The following TCP11L1 variants were observed in gnomAD, a reference collection of about 807,000 sequenced individuals.
TCP11L1 encodes the protein T-complex protein 11-like protein 1.
TCP11L1 carries 28 observed loss-of-function variants against 48.9 expected under a neutral mutation model. The ratio of observed to expected loss-of-function variants is 0.57; its 90% CI spans 0.42 to 0.78. The LOEUF (loss-of-function observed/expected upper bound fraction) is 0.78, where lower values mean the gene tolerates loss of function less well. Ranked by LOEUF, TCP11L1 falls within the 30% of genes least tolerant of loss-of-function variation. TCP11L1 has a pLI of 0.00. For missense variants in TCP11L1, 505 were observed against 613.4 expected (o/e 0.82, Z 1.87); for synonymous variants, 204 against 231.9 (o/e 0.88, Z 1.09).
At chr11:33,051,650 G>T (rs1458178900) in intron 2 of TCP11L1, among the ~76,000 whole-genome samples, 5 of 152,050 alleles carry the variant, frequency 3.3e-5, no homozygotes, top group African/African-American at 1.2e-4. Context: ...GTAGAGACAG[G>T]ATTTCGCTGT....
chr11:33,041,059 CAA>C (rs1853817282), intron 1 of TCP11L1: 1 of 152,154 alleles, frequency 6.6e-6, no homozygotes, highest in East Asian at 1.9e-4. Flanking sequence ...TGCCAAATGT[CAA>C]CTAGCCAGCC....
At chr11:33,070,515 G>A (rs759932659) in intron 9 of TCP11L1, among the ~76,000 whole-genome samples, 4 of 151,684 alleles carry the variant, frequency 2.6e-5, no homozygotes, top group African/African-American at 4.8e-5. Context: ...TAGAAACTCC[G>A]CCTTTACTAA....
At chr11:33,063,793 A>G (rs975013553) in intron 7 of TCP11L1, among the ~76,000 whole-genome samples, 1 of 152,012 alleles carries the variant, frequency 6.6e-6, no homozygotes, top group African/African-American at 2.4e-5. Context: ...TTTTCCTTTC[A>G]AGAAGTTGTG....
chr11:33,050,701 C>T lies in TCP11L1; in HGVS notation c.164-3892C>T, dbSNP rs575004163. On this transcript the variant is annotated intron_variant, in intron 2 of 9. Transcript: ENST00000334274. ...TTAATAGAGTCTATCATGGAATGTA[C>T]ATTTTAAATTTTGATAAAATCCAAA... is the stretch of plus-strand genomic sequence containing the variant. Among the ~76,000 whole-genome samples, 311 of 152,184 alleles carry T rather than the reference C, an allele frequency of 2.0e-3. 1 individual carries two copies. The highest frequency in any genetic ancestry group is 7.3e-3 in the African/African-American group (304 of 41,536).
chr11:33,056,520 T>C (rs1052310763), intron 3 of TCP11L1: 1 of 155,204 alleles, frequency 6.4e-6, no homozygotes, highest in Non-Finnish European at 1.4e-5. Flanking sequence ...TTTTAGGAAA[T>C]AAAGTCCTTC....
intron 3 of TCP11L1, among the ~76,000 whole-genome samples, chr11:33,055,401 G>C (rs1227219718): frequency 6.6e-6 from 1 of 152,182 alleles, no homozygotes; most frequent in Non-Finnish European, 1.5e-5. Flanking sequence ...CCTGGCAAGA[G>C]CAAAAAGTTT....
At chr11:33,050,412 A>G (rs1357426088) in intron 2 of TCP11L1, among the ~76,000 whole-genome samples, 1 of 151,962 alleles carries the variant, frequency 6.6e-6, no homozygotes, top group Non-Finnish European at 1.5e-5. Flanking sequence ...GATGCTTGAT[A>G]ATAACACCTG....
At position 33,057,924 on chromosome 11, in the gene TCP11L1, C is replaced by G. The variant is rs948281274; in HGVS notation, c.423C>G (p.Leu141=). 1 of 1,612,836 alleles carries G rather than the reference C, an allele frequency of 6.2e-7. No individual in the cohort carries two copies. The highest frequency in any genetic ancestry group is 8.5e-7 in the Non-Finnish European group (1 of 1,179,790). ...IKLVGEIKET[L]LSFLLPGHTR... ...GTAGCTGTGTTCTCTTGTAGACTCT[C>G]TTATCTTTCTTGCTGCCTGGTCATA... Residue 141 remains leucine, a synonymous_variant, in exon 5 of 10, where the codon CTC becomes CTG. Coordinates refer to ENST00000334274, the MANE Select transcript of TCP11L1 (RefSeq NM_018393.4).
At chr11:33,049,864 A>G (rs2145298) in intron 2 of TCP11L1, among the ~76,000 whole-genome samples, 62,390 of 151,982 alleles carry the variant, frequency 0.41, 13,029 homozygotes, top group African/African-American at 0.48. Context: ...GACCCTTTAC[A>G]GGTGTTGGGC....
At chr11:33,047,682 A>AAT (rs1282774547) in intron 2 of TCP11L1, among the ~76,000 whole-genome samples, 1 of 152,222 alleles carries the variant, frequency 6.6e-6, no homozygotes, top group East Asian at 1.9e-4. Context: ...CAGTCAGTCA[A>AAT]ATATTTATTG....
intron 4 of TCP11L1, 38 bp from the exon 5 acceptor site, chr11:33,057,881 A>T: frequency 6.5e-7 from 1 of 1,543,194 alleles, no homozygotes; most frequent in Non-Finnish European, 8.8e-7. Flanking sequence ...AATGATGTCT[A>T]AAGAATTTTG....
intron 9 of TCP11L1, among the ~76,000 whole-genome samples, chr11:33,071,653 G>C (rs1266071622): frequency 1.3e-5 from 2 of 152,180 alleles, no homozygotes; most frequent in Non-Finnish European, 2.9e-5. Flanking sequence ...CATCAGAGAA[G>C]GAAGCACGAG....
At chr11:33,061,761 G>A (rs761381514) in intron 7 of TCP11L1, 35 bp downstream of exon 7, 1 of 1,535,386 alleles carries the variant, frequency 6.5e-7, no homozygotes, top group Non-Finnish European at 8.8e-7. Context: ...ACTCATATTT[G>A]TTTTTGTGCT....
At chr11:33,065,678 G>C in intron 7 of TCP11L1, 152 bp from the exon 8 acceptor site, 1 of 836,790 alleles carries the variant, frequency 1.2e-6, no homozygotes, top group Non-Finnish European at 1.9e-6. Flanking sequence ...AGATAGAGGG[G>C]TTATTTCACA....
rs778687774 is a variant in TCP11L1 at position 33,072,682 on chromosome 11, A to G, written c.*6A>G. The G allele has an allele frequency of 5.6e-5, 91 of 1,613,976 alleles. No homozygotes were observed. Among genetic ancestry groups the G allele is most frequent in the Admixed American group, 1.7e-5 (1 of 59,998 alleles). On this transcript the variant is annotated 3_prime_UTR_variant, in exon 10 of 10. Transcript: ENST00000334274. ...AGATCCTCGTCCGATCCTAACGTGT[A>G]TGCACCCTACAGCAGCAGTATTACT...
intron 6 of TCP11L1, 124 bp downstream of exon 6, chr11:33,059,219 T>C (rs1408150687): frequency 7.5e-7 from 1 of 1,333,936 alleles, no homozygotes; most frequent in African/African-American, 1.5e-5. Context: ...TAGTCTAATT[T>C]GAAGAAGGAA....
At chr11:33,043,505 A>G (rs554256595) in intron 1 of TCP11L1, among the ~76,000 whole-genome samples, 3 of 152,354 alleles carry the variant, frequency 2.0e-5, no homozygotes, top group South Asian at 4.1e-4. Context: ...GAGTAGGACA[A>G]AAATATTCCA....
intron 8 of TCP11L1, among the ~76,000 whole-genome samples, chr11:33,068,057 C>G (rs1286887700): frequency 1.3e-5 from 2 of 152,016 alleles, no homozygotes; most frequent in Admixed American, 6.5e-5. Context: ...GCTGGGATTA[C>G]AGGCACCTAT....
At chr11:33,043,064 T>TCAAAA (rs972204842) in intron 1 of TCP11L1, among the ~76,000 whole-genome samples, 8 of 152,092 alleles carry the variant, frequency 5.3e-5, no homozygotes, top group African/African-American at 1.4e-4. Flanking sequence ...AAACTCTGTC[T>TCAAAA]CAAAACAAAA....
Sources: allele counts gnomAD v4.1 joint callset (sites outside exome capture counted in the v4.1 genomes callset), GRCh38; gene constraint gnomAD v4.1.1; transcripts MANE v1.5; gene names NCBI Gene and HGNC (gene_info 2026-07-23, HGNC 2026-07-21).